The following TRIM50 variants were observed in gnomAD, a reference collection of about 807,000 sequenced individuals.
The protein encoded by TRIM50 is E3 ubiquitin-protein ligase TRIM50.
In TRIM50, 34 loss-of-function variants were observed where a neutral mutation model predicts 44.9. The ratio of observed to expected loss-of-function variants is 0.76; its 90% CI spans 0.58 to 1.01. The LOEUF is 1.01. Among genes scored for constraint, TRIM50 ranks in the 50% least tolerant of loss-of-function variants. The pLI, the probability that TRIM50 is intolerant of heterozygous loss-of-function variation, is 0.00. For missense variants in TRIM50, 633 were observed against 663.7 expected, an observed-to-expected ratio of 0.95 and a Z score of 0.51; for synonymous variants, 307 against 291.1, an observed-to-expected ratio of 1.05 and a Z score of -0.56.
At chr7:73,314,376 C>T (rs1289114752) in intron 6 of TRIM50, 1 of 404,006 alleles carries the variant, frequency 2.5e-6, no homozygotes, top group Non-Finnish European at 4.8e-6. Flanking sequence ...GACCGCCAAA[C>T]AGCTATTCAG....
chr7:73,324,947 C>T (rs1444383413), intron 1 of TRIM50, 142 bp from the exon 2 acceptor site: 21 of 1,414,846 alleles, frequency 1.5e-5, no homozygotes, highest in East Asian at 4.9e-5. Context: ...CCCACATGAC[C>T]TTGGGCCCCA....
chr7:73,322,303 C>T (rs1427175061), intron 2 of TRIM50, among the ~76,000 whole-genome samples: 4 of 152,124 alleles, frequency 2.6e-5, no homozygotes, highest in Admixed American at 6.5e-5. Context: ...GAGCCGAGAT[C>T]GCACCACTGC....
At chr7:73,326,536 T>C (rs1322766432) in intron 1 of TRIM50, among the ~76,000 whole-genome samples, 2 of 152,028 alleles carry the variant, frequency 1.3e-5, no homozygotes, top group East Asian at 3.9e-4. Context: ...ATACACCCAC[T>C]CTCAAGAACA....
chr7:73,324,942 A>G (rs1804589763), intron 1 of TRIM50, 137 bp from the exon 2 acceptor site: 5 of 1,421,418 alleles, frequency 3.5e-6, no homozygotes, highest in Middle Eastern at 5.2e-4. Context: ...CCTAACCCAC[A>G]TGACCTTGGG....
chr7:73,317,577 C>T (rs1310377482), intron 5 of TRIM50, among the ~76,000 whole-genome samples: 1 of 151,944 alleles, frequency 6.6e-6, no homozygotes, highest in Non-Finnish European at 1.5e-5. Flanking sequence ...GGGCTGGTCT[C>T]GAACTCCTGA....
chr7:73,316,686 T>C lies in TRIM50; in HGVS notation c.753A>G (p.Ala251=). The C allele has an allele frequency of 6.2e-7, 1 of 1,613,926 alleles. No homozygotes were observed. Among genetic ancestry groups the C allele is most frequent in the Non-Finnish European group, 8.5e-7 (1 of 1,179,992 alleles). Residue 251 remains alanine, a synonymous_variant, in exon 6 of 7, where the codon GCA becomes GCG. Coordinates refer to ENST00000333149, the MANE Select transcript of TRIM50 (RefSeq NM_178125.3). ...CTAAGGGCCGGGCCTGCGGCATCTC[T>C]GCTCTGCAGGTGACAGTTCACAGTA... ...IRKFHSMASR[A]EMPQARPLEG...
Position 73,312,781 on chromosome 7 carries a change from T to TG in TRIM50, c.*139_*140insC. 1.5e-6 allele frequency: 1 copy of TG among 676,026 alleles called. No individual in the cohort carries two copies. The highest frequency in any genetic ancestry group is 2.4e-6 in the Non-Finnish European group (1 of 409,964). 41.9% of individuals were successfully genotyped at this position (676,026 alleles called of 1,614,324 possible). On this transcript the variant is annotated 3_prime_UTR_variant, in exon 7 of 7. Coordinates refer to ENST00000333149, the MANE Select transcript of TRIM50 (RefSeq NM_178125.3). ...GGGACTGGGGTCCTGTTCCCTATCA[T>TG]TACATGTTCCAGGGACACACAGGCC...
chr7:73,326,238 T>C (rs1295938012), intron 1 of TRIM50, among the ~76,000 whole-genome samples: 1 of 151,832 alleles, frequency 6.6e-6, no homozygotes, highest in African/African-American at 2.4e-5. Flanking sequence ...CAGATGATGA[T>C]TCAATCTCTC....
chr7:73,325,963 C>G (rs1804614963), intron 1 of TRIM50, among the ~76,000 whole-genome samples: 1 of 152,214 alleles, frequency 6.6e-6, no homozygotes, highest in Admixed American at 6.5e-5. Context: ...TCATAGCTCA[C>G]TGTAGCCTCC....
Position 73,313,212 on chromosome 7 carries a change from C to A in TRIM50, c.1173G>T (p.Glu391Asp), listed in dbSNP as rs1200523716. ...AGGCAAAGGCTTCGTACACCCGGCC[C>A]TCCTTCAGGCCGATCAGCCACACGC... ...EHGVWLIGLKEGRVYEAFACP... is the reference protein window; with the variant it reads ...EHGVWLIGLKDGRVYEAFACP... The change falls in exon 7 of 7, where the codon GAG (glutamate) becomes GAT (aspartate). Residue 391 changes from glutamate to aspartate, a missense_variant. Glu to Asp is a conservative substitution (Grantham distance 45). Coordinates refer to ENST00000333149, the MANE Select transcript of TRIM50 (RefSeq NM_178125.3). This position sits in a 1 kb window ranked among gnomAD's most constrained non-coding sequence, Gnocchi z 4.9. 3.1e-6 allele frequency: 5 copies of A among 1,592,194 alleles called. No individual in the cohort carries two copies. Among genetic ancestry groups the A allele is most frequent in the Non-Finnish European group, 3.4e-6 (4 of 1,169,824 alleles).
chr7:73,313,468 A>G lies in TRIM50; in HGVS notation c.917T>C (p.Leu306Pro), dbSNP rs1804284625. Residue 306 changes from leucine (L) to proline (P), a missense_variant, in exon 7 of 7, where the codon CTC becomes CCC. Leu to Pro is a moderately conservative substitution (Grantham distance 98). Coordinates refer to ENST00000333149, the MANE Select transcript of TRIM50 (RefSeq NM_178125.3). The surrounding 1 kb of genome is among the most constrained non-coding windows in gnomAD (Gnocchi z 4.9). ...LKLDPATAHP[L>P]LELSKGNTVV... ...CGTGTTGCCCTTGGAGAGCTCCAGG[A>G]GTGGGTGGGCAGTGGCAGGGTCCAA... 6.5e-7 allele frequency: 1 copy of G among 1,538,784 alleles called. No homozygotes were observed. The highest frequency in any genetic ancestry group is 8.7e-7 in the Non-Finnish European group (1 of 1,146,782).
chr7:73,319,799 A>ACTGGGAGGGCACCATGACAGG (rs1804451738), intron 3 of TRIM50, among the ~76,000 whole-genome samples: 1 of 152,162 alleles, frequency 6.6e-6, no homozygotes, highest in Admixed American at 6.5e-5. Flanking sequence ...GCACCCAGGT[A>ACTGGGAGGGCACCATGACAGG]CTGGGAGGGC....
At position 73,320,303 on chromosome 7, in the gene TRIM50, A is replaced by G. The variant is rs1388970222; in HGVS notation, c.400-61T>C. The G allele has an allele frequency of 2.5e-6, 4 of 1,612,948 alleles. No homozygotes were observed. The Admixed American group carries it at 6.7e-5, about 27-fold the overall frequency. On this transcript the variant is annotated intron_variant, in intron 2 of 6. Transcript: ENST00000333149. ...ATCCCTCCCCTTCTCAGCTCCTTGGATCACCTTCTTGGGAGTATCCCAATG... is the reference window on the plus strand; with the variant it reads ...ATCCCTCCCCTTCTCAGCTCCTTGGGTCACCTTCTTGGGAGTATCCCAATG...
At chr7:73,319,308 T>G (rs1193523551) in intron 3 of TRIM50, among the ~76,000 whole-genome samples, 1 of 152,036 alleles carries the variant, frequency 6.6e-6, no homozygotes, top group Admixed American at 6.5e-5. Flanking sequence ...ATTTTTTTTT[T>G]TAAGAGACAG....
chr7:73,323,761 C>G (rs373965560), intron 2 of TRIM50, among the ~76,000 whole-genome samples: 12 of 152,296 alleles, frequency 7.9e-5, no homozygotes, highest in Admixed American at 5.2e-4. Context: ...AACAAGGGGC[C>G]TAGGGCAGTG....
In TRIM50 at chr7:73,328,010, G is replaced by A; in HGVS notation, c.-129C>T. The A allele has an allele frequency of 1.6e-6, 1 of 622,426 alleles. No individual in the cohort carries two copies. Among genetic ancestry groups the A allele is most frequent in the East Asian group, 2.8e-5 (1 of 35,736 alleles). 38.6% of individuals were successfully genotyped at this position (622,426 alleles called of 1,614,324 possible). On this transcript the variant is annotated 5_prime_UTR_variant, in exon 1 of 7. The change creates a new upstream start codon in the 5' untranslated region. Coordinates refer to ENST00000333149, the MANE Select transcript of TRIM50 (RefSeq NM_178125.3). ...GTGCCCCACCTAACCCCCCACGTCCGTGCCTCATCATGACCCGCACGCTAT... is the reference window on the plus strand; with the variant it reads ...GTGCCCCACCTAACCCCCCACGTCCATGCCTCATCATGACCCGCACGCTAT...
Position 73,318,982 on chromosome 7 carries a change from T to G in TRIM50, c.566A>C (p.Glu189Ala), listed in dbSNP as rs782268780. 7 of 1,613,874 alleles carry G rather than the reference T, an allele frequency of 4.3e-6. No individual in the cohort carries two copies. The highest frequency in any genetic ancestry group is 5.9e-6 in the Non-Finnish European group (7 of 1,179,854). The change falls in exon 4 of 7, where the codon GAG becomes GCG. Residue 189 changes from glutamate (E) to alanine (A), a missense_variant. Glu to Ala is a moderately radical substitution (Grantham distance 107, BLOSUM62 -1). Transcript: ENST00000333149. ...TATCCCCTCCAGGCAGCGGGCCTTCTCCTCATCCACCAGGTGGTGCAGCTC... is the reference window on the plus strand; with the variant it reads ...TATCCCCTCCAGGCAGCGGGCCTTCGCCTCATCCACCAGGTGGTGCAGCTC... ...FQELHHLVDE[E>A]KARCLEGIGG...
At chr7:73,317,744 CAG>C (rs1554544348) in intron 5 of TRIM50, among the ~76,000 whole-genome samples, 1 of 152,136 alleles carries the variant, frequency 6.6e-6, no homozygotes, top group African/African-American at 2.4e-5. Context: ...CTCCCATAAA[CAG>C]GGAGTGAGGA....
chr7:73,323,877 C>T (rs1554545404), intron 2 of TRIM50, among the ~76,000 whole-genome samples: 1 of 151,946 alleles, frequency 6.6e-6, no homozygotes, highest in African/African-American at 2.4e-5. Context: ...CCCATTTCTA[C>T]AAAATATGAA....
Sources: gnomAD v4.1 joint callset for allele counts (sites outside exome capture counted in the v4.1 genomes callset) on GRCh38, gnomAD v4.1.1 for gene constraint, Gnocchi (gnomAD v3.1) non-coding constraint, MANE v1.5 for transcripts, NCBI Gene and HGNC (gene_info 2026-07-23, HGNC 2026-07-21) for gene names.